The following MICAL2 variants were observed in gnomAD, a reference collection of about 807,000 sequenced individuals.
MICAL2 encodes [F-actin]-monooxygenase MICAL2.
A neutral mutation model predicts 127.3 loss-of-function variants in MICAL2; 77 were observed. The ratio of observed to expected loss-of-function variants is 0.60; its 90% CI spans 0.50 to 0.73. The LOEUF is 0.73. Among genes scored for constraint, MICAL2 ranks in the 30% least tolerant of loss-of-function variants. The pLI, the probability that MICAL2 is intolerant of heterozygous loss-of-function variation, is 0.00. For synonymous variants in MICAL2, 570 were observed against 551.1 expected (o/e 1.03, Z -0.48); for missense variants, 1,351 against 1,434.4 (o/e 0.94, Z 0.94).
chr11:12,138,621 C>T (rs1852050392), intron 2 of MICAL2, among the ~76,000 whole-genome samples, 161 bp downstream of exon 2: 1 of 152,144 alleles, frequency 6.6e-6, no homozygotes, highest in South Asian at 2.1e-4. Flanking sequence ...TCTGCACTCC[C>T]CTAGCGCTGT....
intron 32 of MICAL2, among the ~76,000 whole-genome samples, chr11:12,330,833 C>CAGAGAGAGAGAGAGGGAGAGACAGAG (rs1864411583): frequency 7.5e-6 from 1 of 132,638 alleles, no homozygotes. Context: ...GAGAGACAGA[C>CAGAGAGAGAGAGAGGGAGAGACAGAG]AGAGAGAGAG....
downstream of MICAL2, among the ~76,000 whole-genome samples, chr11:12,267,755 C>T (rs1431913435): frequency 6.6e-6 from 1 of 152,200 alleles, no homozygotes; most frequent in East Asian, 1.9e-4. Flanking sequence ...GCACCCGCCA[C>T]CACACCCAGC....
intron 3 of MICAL2, among the ~76,000 whole-genome samples, chr11:12,190,480 T>C (rs1858953809): frequency 6.6e-6 from 1 of 152,234 alleles, no homozygotes; most frequent in South Asian, 2.1e-4. Context: ...CTGAAGCTAC[T>C]TATTTCATTG....
intron 26 of MICAL2, chr11:12,260,745 C>CGGAGTAGT (rs1271300857): frequency 2.0e-6 from 2 of 985,332 alleles, no homozygotes; most frequent in Non-Finnish European, 2.4e-6. Flanking sequence ...TACAGAAGCA[C>CGGAGTAGT]GGAGCAGTGT....
chr11:12,266,500 C>A (rs1356259082), downstream of MICAL2, among the ~76,000 whole-genome samples: 1 of 152,184 alleles, frequency 6.6e-6, no homozygotes, highest in Non-Finnish European at 1.5e-5. Context: ...TGCCCCCCAG[C>A]CAGCTGTTAT....
At chr11:12,179,001 T>C (rs1197782514) in intron 3 of MICAL2, among the ~76,000 whole-genome samples, 1 of 152,200 alleles carries the variant, frequency 6.6e-6, no homozygotes, top group Non-Finnish European at 1.5e-5. Flanking sequence ...TGATCACACC[T>C]GCCAGCCTCT....
At chr11:12,324,882 C>T (rs1864337865) in intron 31 of MICAL2, among the ~76,000 whole-genome samples, 1 of 152,208 alleles carries the variant, frequency 6.6e-6, no homozygotes, top group Non-Finnish European at 1.5e-5. Context: ...CTTCTGTCTA[C>T]TTGCAACCTC....
In MICAL2 at chr11:12,342,576, G is replaced by C. The variant is rs144612993; in HGVS notation, c.5516-7262G>C. Among the ~76,000 whole-genome samples, 384 of 152,338 alleles carry C rather than the reference G, an allele frequency of 2.5e-3. 1 individual carries two copies. Among genetic ancestry groups the C allele is most frequent in the African/African-American group, 8.9e-3 (370 of 41,582 alleles). ...GACGTTGGAAGAAATGGCAAGGTAG[G>C]TGTGGTATGGTATAGTTTACTATAG... On this transcript the variant is annotated intron_variant, in intron 32 of 34. Transcript: ENST00000646065.
At chr11:12,244,929 C>T (rs1860515362) in intron 21 of MICAL2, among the ~76,000 whole-genome samples, 1 of 152,196 alleles carries the variant, frequency 6.6e-6, no homozygotes, top group Admixed American at 6.5e-5. Context: ...AGAAGTACAG[C>T]TCAGACAGTA....
intron 29 of MICAL2, among the ~76,000 whole-genome samples, chr11:12,305,599 C>T (rs1864100109): frequency 6.6e-6 from 1 of 152,134 alleles, no homozygotes; most frequent in African/African-American, 2.4e-5. Context: ...TAACAATATA[C>T]TGTAATAAAA....
chr11:12,354,840 A>C (rs780148654), exon 34 of MICAL2: 1 of 1,614,020 alleles, frequency 6.2e-7, no homozygotes, highest in Non-Finnish European at 8.5e-7. Flanking sequence ...AAACTGAGAG[A>C]GAAAATGCTC....
chr11:12,236,675 C>T (rs2134424836), intron 16 of MICAL2, among the ~76,000 whole-genome samples: 1 of 152,224 alleles, frequency 6.6e-6, no homozygotes, highest in East Asian at 1.9e-4. Context: ...GCCTTTAAGG[C>T]ATATGTCGTG....
chr11:12,333,789 AAG>A (rs1355329378), intron 32 of MICAL2, among the ~76,000 whole-genome samples: 4 of 152,268 alleles, frequency 2.6e-5, no homozygotes, highest in Non-Finnish European at 5.9e-5. Context: ...TCAAAAATAT[AAG>A]GTACCTAGGA....
At chr11:12,287,447 G>GC (rs1333630692), downstream of MICAL2, 2 of 284,856 alleles carry the variant, frequency 7.0e-6, no homozygotes, top group Non-Finnish European at 1.3e-5. Context: ...CAGGGCCTTA[G>GC]CCATCATTGC....
chr11:12,309,797 A>G (rs1864151074), intron 29 of MICAL2, among the ~76,000 whole-genome samples: 1 of 152,144 alleles, frequency 6.6e-6, no homozygotes, highest in Non-Finnish European at 1.5e-5. Flanking sequence ...CCAACAGTGT[A>G]TAAGTAAATG....
chr11:12,261,747 T>C, intron 26 of MICAL2: 1 of 985,462 alleles, frequency 1.0e-6, no homozygotes, highest in Non-Finnish European at 1.2e-6. Flanking sequence ...AACAGAGGCA[T>C]GGCCGTGGCC....
chr11:12,302,991 G>A (rs1682392992), intron 29 of MICAL2, among the ~76,000 whole-genome samples: 1 of 152,176 alleles, frequency 6.6e-6, no homozygotes, highest in South Asian at 2.1e-4. Flanking sequence ...TTACAATCGT[G>A]GTGGAAAGCA....
chr11:12,354,711 T>C, intron 33 of MICAL2: 1 of 1,283,630 alleles, frequency 7.8e-7, no homozygotes, highest in Admixed American at 1.8e-5. Flanking sequence ...GTAGCTACTC[T>C]CAATGGGCTT....
intron 16 of MICAL2, among the ~76,000 whole-genome samples, chr11:12,237,120 T>C (rs995736959): frequency 1.3e-5 from 2 of 152,140 alleles, no homozygotes; most frequent in Admixed American, 6.5e-5. Flanking sequence ...TTATAATAAA[T>C]AGAGTCATGA....
Sources: allele counts gnomAD v4.1 joint callset (sites outside exome capture counted in the v4.1 genomes callset), GRCh38; gene constraint gnomAD v4.1.1; transcripts MANE v1.5; gene names NCBI Gene and HGNC (gene_info 2026-07-23, HGNC 2026-07-21).